CDH4: variants seen among roughly 807,000 people sequenced by gnomAD.
CDH4 encodes the protein cadherin-4.
Under a neutral mutation model 86.0 loss-of-function variants are expected in CDH4, and 33 were observed. The observed-to-expected ratio is 0.38, with a 90% CI of 0.29 to 0.51. The LOEUF (loss-of-function observed/expected upper bound fraction) is 0.51, where lower values mean the gene tolerates loss of function less well. Ranked by LOEUF, CDH4 falls within the 20% of genes least tolerant of loss-of-function variation. CDH4 has a pLI of 0.86. For synonymous variants in CDH4, 555 were observed against 549.4 expected, an observed-to-expected ratio of 1.01 and a Z score of -0.14; for missense variants, 1,114 against 1,307.4, an observed-to-expected ratio of 0.85 and a Z score of 2.28.
At position 61,638,030 on chromosome 20, in the gene CDH4, T is replaced by TAAAAAAA. The variant is rs10664878; in HGVS notation, c.170-105529_170-105523dup. Among the ~76,000 whole-genome samples, 518 of 141,356 alleles carry TAAAAAAA rather than the reference T, an allele frequency of 3.7e-3. 5 individuals carry two copies. The highest frequency in any genetic ancestry group is 9.2e-3 in the African/African-American group (343 of 37,278). The allele number at this position is 141,356 out of a possible 152,430, so 92.7% of individuals were successfully genotyped here. A position where few individuals can be genotyped will look rare whatever the true frequency, so the allele number is the denominator to read the frequency against. ...TGGGCAACAAGAATAAAACTCCGTC[T>TAAAAAAA]AAAAAAAAAATGAAGAGAGGAGAGG... On this transcript the variant is annotated intron_variant, in intron 2 of 15. Coordinates refer to ENST00000614565, the MANE Select transcript of CDH4 (RefSeq NM_001794.5).
At chr20:61,643,422 G>GTGTAAGGTCACAAATT (rs1184569604) in intron 2 of CDH4, among the ~76,000 whole-genome samples, 1 of 152,186 alleles carries the variant, frequency 6.6e-6, no homozygotes, top group Non-Finnish European at 1.5e-5. Context: ...CCATAGCACC[G>GTGTAAGGTCACAAATT]TGTAAGGTCA....
At chr20:61,481,319 C>G (rs1172176780) in intron 2 of CDH4, among the ~76,000 whole-genome samples, 1 of 152,196 alleles carries the variant, frequency 6.6e-6, no homozygotes, top group Non-Finnish European at 1.5e-5. Flanking sequence ...ACACAATTTC[C>G]TGGTCCCACA....
chr20:61,669,612 G>A (rs1052430803), intron 2 of CDH4, among the ~76,000 whole-genome samples: 4 of 152,150 alleles, frequency 2.6e-5, no homozygotes, highest in South Asian at 2.1e-4. Context: ...AAACTTATCC[G>A]GTGTGTAATG....
chr20:61,912,864 C>A (rs1041637512), intron 9 of CDH4, among the ~76,000 whole-genome samples: 14 of 152,198 alleles, frequency 9.2e-5, no homozygotes, highest in African/African-American at 3.4e-4. Flanking sequence ...GCGCATTTGA[C>A]CTCAAGCTAA....
chr20:61,764,021 G>C (rs564925352), intron 3 of CDH4, among the ~76,000 whole-genome samples: 1 of 152,328 alleles, frequency 6.6e-6, no homozygotes, highest in Non-Finnish European at 1.5e-5. Flanking sequence ...GGAGGGAAAT[G>C]ATCCGAGTTT....
At position 61,501,318 on chromosome 20, in the gene CDH4, C is replaced by T. The variant is rs1049383465; in HGVS notation, c.170-242245C>T. The stretch of plus-strand genomic sequence containing the variant: ...CTAATACATTATTGCCTCTGGCTTC[C>T]GTGCAGAACAGCGGTTAGAGACGGG... On this transcript the variant is annotated intron_variant, in intron 2 of 15. Coordinates refer to ENST00000614565, the MANE Select transcript of CDH4 (RefSeq NM_001794.5). This position sits in a 1 kb window ranked among gnomAD's most constrained non-coding sequence, Gnocchi z 4.2. 2.0e-5 allele frequency among the ~76,000 whole-genome samples: 3 copies of T among 152,190 alleles called. No individual in the cohort carries two copies. Among genetic ancestry groups the T allele is most frequent in the South Asian group, 4.1e-4 (2 of 4,826 alleles).
chr20:61,632,356 A>G (rs929362367), intron 2 of CDH4, among the ~76,000 whole-genome samples: 4 of 152,054 alleles, frequency 2.6e-5, no homozygotes, highest in African/African-American at 7.3e-5. Flanking sequence ...TATCACCCCC[A>G]ACAATCGACC....
intron 2 of CDH4, among the ~76,000 whole-genome samples, chr20:61,456,454 G>C (rs925299637): frequency 3.3e-5 from 5 of 152,226 alleles, no homozygotes; most frequent in African/African-American, 7.2e-5. Context: ...AAGCAGGGGA[G>C]TGTGAACTGG....
At chr20:61,847,669 G>C (rs769054068) in intron 5 of CDH4, among the ~76,000 whole-genome samples, 2 of 152,226 alleles carry the variant, frequency 1.3e-5, no homozygotes, top group African/African-American at 2.4e-5. Context: ...TTTGGCTCAC[G>C]GTTCTGCAGG....
chr20:61,313,069 T>A (rs993243604), intron 2 of CDH4, among the ~76,000 whole-genome samples: 1 of 152,194 alleles, frequency 6.6e-6, no homozygotes, highest in Admixed American at 6.5e-5. Flanking sequence ...AGACCGATTC[T>A]AATACTGCAG....
Position 61,676,747 on chromosome 20 carries a change from C to T in CDH4, c.170-66816C>T, listed in dbSNP as rs1054515285. On this transcript the variant is annotated intron_variant, in intron 2 of 15. Coordinates refer to ENST00000614565, the MANE Select transcript of CDH4 (RefSeq NM_001794.5). The surrounding 1 kb of genome is among the most constrained non-coding windows in gnomAD (Gnocchi z 4.5). The stretch of plus-strand genomic sequence containing the variant: ...TGTAATACAAATGTAAATGATGCTG[C>T]ATTTCAGAAGGTGGTGTTTGCTGCG... Among the ~76,000 whole-genome samples, 5 of 152,200 alleles carry T rather than the reference C, an allele frequency of 3.3e-5. No individual in the cohort carries two copies. Among genetic ancestry groups the T allele is most frequent in the African/African-American group, 9.7e-5 (4 of 41,432 alleles).
At chr20:61,270,020 A>T (rs1013389872) in intron 2 of CDH4, among the ~76,000 whole-genome samples, 1 of 152,148 alleles carries the variant, frequency 6.6e-6, no homozygotes, top group African/African-American at 2.4e-5. Flanking sequence ...GATGGGTTTT[A>T]TGGTTTTGTT....
intron 4 of CDH4, among the ~76,000 whole-genome samples, chr20:61,787,471 G>A (rs2386938): frequency 2.6e-5 from 4 of 151,958 alleles, no homozygotes; most frequent in Non-Finnish European, 5.9e-5. Context: ...AGGTAACTGC[G>A]CCCATGATTC....
intron 2 of CDH4, among the ~76,000 whole-genome samples, chr20:61,639,623 C>T (rs944268): frequency 0.34 from 52,363 of 152,088 alleles, 9,046 homozygotes; most frequent in East Asian, 0.48. Context: ...GGATACATCG[C>T]GTCAGTGCTT....
At chr20:61,387,329 C>G (rs2084957103) in intron 2 of CDH4, among the ~76,000 whole-genome samples, 1 of 151,404 alleles carries the variant, frequency 6.6e-6, no homozygotes, top group African/African-American at 2.4e-5. Context: ...GCCACACAAA[C>G]ACACACAGAG....
intron 3 of CDH4, among the ~76,000 whole-genome samples, chr20:61,756,261 G>A (rs1296103321): frequency 1.3e-5 from 2 of 152,182 alleles, no homozygotes; most frequent in Admixed American, 1.3e-4. Flanking sequence ...CCAGGGGCTC[G>A]GCTTCTCCTT....
chr20:61,808,760 A>G (rs879746503), intron 4 of CDH4, among the ~76,000 whole-genome samples: 6 of 152,224 alleles, frequency 3.9e-5, no homozygotes, highest in Non-Finnish European at 8.8e-5. Flanking sequence ...GGCGCTGGCC[A>G]AGGGCGAGTG....
intron 4 of CDH4, among the ~76,000 whole-genome samples, chr20:61,814,441 G>A (rs576922277): frequency 1.1e-4 from 16 of 152,282 alleles, no homozygotes; most frequent in African/African-American, 2.4e-4. Flanking sequence ...GGGAGGCTGC[G>A]GCCGCTCGAC....
intron 3 of CDH4, among the ~76,000 whole-genome samples, chr20:61,764,000 G>A (rs984868507): frequency 3.9e-5 from 6 of 152,116 alleles, no homozygotes; most frequent in Admixed American, 3.3e-4. Context: ...TCTCGCTTGC[G>A]AGTGATGAGG....
Sources: gnomAD v4.1 joint callset for allele counts (sites outside exome capture counted in the v4.1 genomes callset) on GRCh38, gnomAD v4.1.1 for gene constraint, Gnocchi (gnomAD v3.1) non-coding constraint, MANE v1.5 for transcripts, NCBI Gene and HGNC (gene_info 2026-07-23, HGNC 2026-07-21) for gene names.